EHBP1: variants seen among roughly 807,000 people sequenced by gnomAD.
EHBP1 encodes EH domain-binding protein 1.
Under a neutral mutation model 144.0 loss-of-function variants are expected in EHBP1, and 55 were observed. The ratio of observed to expected loss-of-function variants is 0.38; its 90% confidence interval spans 0.31 to 0.48. The LOEUF (loss-of-function observed/expected upper bound fraction) is 0.48. Among genes scored for constraint, EHBP1 ranks in the 20% least tolerant of loss-of-function variants. The probability of loss-of-function intolerance (pLI) is 0.98; values close to 1 mark genes in which losing one functional copy is unlikely to be tolerated. For missense variants in EHBP1, 1,200 were observed against 1,364.2 expected (o/e 0.88, Z 1.90); for synonymous variants, 469 against 472.7 (o/e 0.99, Z 0.10).
At chr2:63,043,302 T>C (rs941597219) in intron 21 of EHBP1, among the ~76,000 whole-genome samples, 10 of 152,212 alleles carry the variant, frequency 6.6e-5, no homozygotes, top group African/African-American at 2.2e-4. Flanking sequence ...CTGTTTATTA[T>C]TTTTTAAATT....
rs2034671340 is a variant in EHBP1 at position 62,707,161 on chromosome 2, C to T, written c.-31C>T. ...TATTAAAGCTGCTGTATTGCTAACC[C>T]AGAACTGCTCCAGTGTCTTGACTGA... On this transcript the variant is annotated 5_prime_UTR_variant, in exon 2 of 23. Transcript: ENST00000431489. The T allele has an allele frequency of 6.3e-7, 1 of 1,581,720 alleles. No homozygotes were observed. The highest frequency in any genetic ancestry group is 1.3e-5 in the African/African-American group (1 of 74,318).
chr2:62,856,900 A>G lies in EHBP1; in HGVS notation c.635-2269A>G, dbSNP rs560662198. ...TGCTAGGTTATCCGTGTGACTCAAT[A>G]TAATTACCAGGGTGGTTAAATGGTA... On this transcript the variant is annotated intron_variant, in intron 7 of 22. Coordinates refer to ENST00000431489, the MANE Select transcript of EHBP1 (RefSeq NM_001142616.3). Among the ~76,000 whole-genome samples, 5 of 152,288 alleles carry G rather than the reference A, an allele frequency of 3.3e-5. No individual in the cohort carries two copies. In the South Asian group the frequency reaches 8.3e-4, roughly 25 times the overall value.
In EHBP1 at chr2:62,864,850, G is replaced by C. The variant is rs778366532; in HGVS notation, c.877G>C (p.Ala293Pro). 6.2e-7 allele frequency: 1 copy of C among 1,614,050 alleles called. No homozygotes were observed. The highest frequency in any genetic ancestry group is 1.1e-5 in the South Asian group (1 of 91,082). Residue 293 changes from alanine to proline, a missense_variant, in exon 9 of 23, where the codon GCA becomes CCA. Ala to Pro is a conservative substitution (Grantham distance 27). Around this residue, in one of 6 missense-constraint regions of EHBP1, gnomAD observed 266 missense variants for 262.4 expected, o/e 1.01. Coordinates refer to ENST00000431489, the MANE Select transcript of EHBP1 (RefSeq NM_001142616.3). The stretch of plus-strand genomic sequence containing the variant: ...TTTGAACCCATTCGATGAGCCAGAA[G>C]CATTTGTGACCATAAAGGATTCTCC... ...QYLNPFDEPEAFVTIKDSPPQ... is the reference protein window; with the variant it reads ...QYLNPFDEPEPFVTIKDSPPQ...
rs2035021637 is a variant in EHBP1, at chr2:62,710,312, TGTATGAATAC to T, written c.104+3022_104+3031del. 6.6e-5 allele frequency among the ~76,000 whole-genome samples: 10 copies of T among 152,184 alleles called. No individual in the cohort carries two copies. The South Asian group carries it at 1.9e-3, about 28-fold the overall frequency. On this transcript the variant is annotated intron_variant, in intron 2 of 22. Transcript: ENST00000431489. ...CTCTAATATATGACATGAATCATTA[TGTATGAATAC>T]GTATTATATTTTGTATGTATATATA...
chr2:62,787,443 C>T (rs1208496585), intron 5 of EHBP1, among the ~76,000 whole-genome samples: 4 of 130,246 alleles, frequency 3.1e-5, no homozygotes, highest in Middle Eastern at 4.2e-3. Context: ...TTCATAGAGG[C>T]GTGGCAAGTT....
At chr2:62,827,459 G>T in intron 6 of EHBP1, among the ~76,000 whole-genome samples, 1 of 152,302 alleles carries the variant, frequency 6.6e-6, no homozygotes, top group East Asian at 1.9e-4. Context: ...CTGGGCAAAA[G>T]CTGTAAGTGA....
intron 18 of EHBP1, among the ~76,000 whole-genome samples, chr2:62,996,142 GA>G (rs993147265): frequency 1.3e-5 from 2 of 151,284 alleles, no homozygotes; most frequent in African/African-American, 2.4e-5. Flanking sequence ...TAATCATTTT[GA>G]AAAAAAATGT....
At chr2:62,790,008 C>T (rs745874749) in intron 5 of EHBP1, among the ~76,000 whole-genome samples, 9 of 152,024 alleles carry the variant, frequency 5.9e-5, no homozygotes, top group Non-Finnish European at 1.2e-4. Context: ...ATTGTTTTTC[C>T]ACATCCTCCT....
intron 4 of EHBP1, among the ~76,000 whole-genome samples, chr2:62,769,603 A>G (rs2041469339): frequency 6.6e-6 from 1 of 152,174 alleles, no homozygotes; most frequent in African/African-American, 2.4e-5. Flanking sequence ...TTACAGATTC[A>G]GTGCTATTCC....
chr2:62,787,650 A>G (rs1393488402), intron 5 of EHBP1, among the ~76,000 whole-genome samples: 1 of 152,216 alleles, frequency 6.6e-6, no homozygotes, highest in Non-Finnish European at 1.5e-5. Flanking sequence ...GATGAAATGA[A>G]TGCAATAGCA....
chr2:62,873,752 A>G (rs2050666190), intron 9 of EHBP1, among the ~76,000 whole-genome samples: 1 of 152,204 alleles, frequency 6.6e-6, no homozygotes, highest in South Asian at 2.1e-4. Context: ...TATTAGGCTG[A>G]CAGTGGATTA....
At chr2:62,978,392 G>A (rs532288899) in intron 14 of EHBP1, among the ~76,000 whole-genome samples, 3 of 151,978 alleles carry the variant, frequency 2.0e-5, no homozygotes, top group East Asian at 1.9e-4. Flanking sequence ...TAGTAGAGAC[G>A]AGGTTTCACC....
chr2:62,742,303 G>T (rs1037378772), intron 2 of EHBP1, among the ~76,000 whole-genome samples: 1 of 152,110 alleles, frequency 6.6e-6, no homozygotes, highest in African/African-American at 2.4e-5. Context: ...TTATATAAGG[G>T]ACTTGAACAT....
At chr2:62,698,397 C>T (rs927364629) in intron 1 of EHBP1, among the ~76,000 whole-genome samples, 3 of 152,136 alleles carry the variant, frequency 2.0e-5, no homozygotes, top group Non-Finnish European at 4.4e-5. Context: ...TTTCAAGGGG[C>T]TCTCTCAATA....
chr2:62,774,687 T>TA, intron 5 of EHBP1, among the ~76,000 whole-genome samples: 1 of 151,488 alleles, frequency 6.6e-6, no homozygotes, highest in Non-Finnish European at 1.5e-5. Flanking sequence ...TACAAAAAAA[T>TA]AAAAAAAATT....
intron 9 of EHBP1, among the ~76,000 whole-genome samples, chr2:62,866,382 G>A (rs924775531): frequency 6.6e-6 from 1 of 152,126 alleles, no homozygotes; most frequent in Non-Finnish European, 1.5e-5. Context: ...AAAGAAACAA[G>A]AAAATCTGAC....
intron 5 of EHBP1, among the ~76,000 whole-genome samples, chr2:62,790,529 A>G (rs997502374): frequency 6.6e-5 from 10 of 152,204 alleles, no homozygotes; most frequent in Non-Finnish European, 1.5e-4. Flanking sequence ...GTGTTACTTT[A>G]TATAAGGATT....
chr2:62,951,918 G>T (rs141214088), intron 13 of EHBP1, among the ~76,000 whole-genome samples: 3 of 152,088 alleles, frequency 2.0e-5, no homozygotes, highest in African/African-American at 7.2e-5. Flanking sequence ...CCCTGGACTG[G>T]GAATCAGTAA....
chr2:62,921,125 T>C (rs2153005079), intron 10 of EHBP1, among the ~76,000 whole-genome samples: 1 of 152,304 alleles, frequency 6.6e-6, no homozygotes, highest in African/African-American at 2.4e-5. Context: ...TGAATTCAAA[T>C]TACAGTGTTA....
Sources: allele counts gnomAD v4.1 joint callset (sites outside exome capture counted in the v4.1 genomes callset), GRCh38; gene constraint gnomAD v4.1.1; regional missense constraint gnomAD v4.1.1; transcripts MANE v1.5; gene names NCBI Gene and HGNC (gene_info 2026-07-23, HGNC 2026-07-21).